The following NPTXR variants were observed in gnomAD, a reference collection of about 807,000 sequenced individuals.
NPTXR encodes the protein neuronal pentraxin receptor.
In NPTXR, 12 loss-of-function variants were observed where a neutral mutation model predicts 32.2. The ratio of observed to expected loss-of-function variants is 0.37; its 90% confidence interval spans 0.24 to 0.60. The LOEUF is 0.60. Among genes scored for constraint, NPTXR ranks in the 20% least tolerant of loss-of-function variants. The pLI, the probability that NPTXR is intolerant of heterozygous loss-of-function variation, is 0.66. For missense variants in NPTXR, 612 were observed against 682.9 expected (o/e 0.90, Z 1.16); for synonymous variants, 323 against 315.8 (o/e 1.02, Z -0.24).
intron 1 of NPTXR, among the ~76,000 whole-genome samples, chr22:38,842,775 C>T (rs1220558382): frequency 6.6e-6 from 1 of 152,148 alleles, no homozygotes; most frequent in Non-Finnish European, 1.5e-5. Flanking sequence ...GAGGGGAGGA[C>T]CCCAAGTCCT....
chr22:38,826,525 G>A lies in NPTXR; in HGVS notation c.1073C>T (p.Pro358Leu). 1 of 1,611,806 alleles carries A rather than the reference G, an allele frequency of 6.2e-7. No homozygotes were observed. Among genetic ancestry groups the A allele is most frequent in the Non-Finnish European group, 8.5e-7 (1 of 1,178,320 alleles). ...CTTGTCGTTGATCAGCAGCTCCATG[G>A]GCTCATGGCCCGCCTCTAGCAGTAC... is the stretch of plus-strand genomic sequence containing the variant. The change falls in exon 3 of 5, where the codon CCC (proline) becomes CTC (leucine). Residue 358 changes from proline (P) to leucine (L), a missense_variant. Physicochemically the swap from Pro to Leu is moderately conservative, Grantham distance 98. Coordinates refer to ENST00000333039, the MANE Select transcript of NPTXR (RefSeq NM_014293.4).
At position 38,822,162 on chromosome 22, in the gene NPTXR, C is replaced by G. The variant is rs531443104; in HGVS notation, c.*447G>C. On this transcript the variant is annotated 3_prime_UTR_variant, in exon 5 of 5. Transcript: ENST00000333039. ...TAACCTCTGATGTCCTCGTCATCCCCTTCTACAGCCTGTTGTGGCCCTGAA... is the reference window on the plus strand; with the variant it reads ...TAACCTCTGATGTCCTCGTCATCCCGTTCTACAGCCTGTTGTGGCCCTGAA... 9.4e-4 allele frequency: 181 copies of G among 192,252 alleles called. No homozygotes were observed. Among genetic ancestry groups the G allele is most frequent in the Middle Eastern group, 4.8e-3 (2 of 420 alleles). The allele number at this position is 192,252 out of a possible 1,614,324, so 11.9% of individuals were successfully genotyped here. A position where few individuals can be genotyped will look rare whatever the true frequency, so the allele number is the denominator to read the frequency against.
chr22:38,835,114 G>C (rs1048982399), intron 1 of NPTXR, among the ~76,000 whole-genome samples: 1 of 152,194 alleles, frequency 6.6e-6, no homozygotes, highest in African/African-American at 2.4e-5. Context: ...TGGTGCAGAG[G>C]GTGAGCTCAC....
chr22:38,833,381 G>A (rs141806617), intron 1 of NPTXR, among the ~76,000 whole-genome samples: 1 of 152,178 alleles, frequency 6.6e-6, no homozygotes, highest in Non-Finnish European at 1.5e-5. Flanking sequence ...AGCCTTCAGG[G>A]GGAGCAGTGT....
intron 1 of NPTXR, among the ~76,000 whole-genome samples, chr22:38,841,880 C>T (rs547523000): frequency 2.4e-4 from 36 of 152,340 alleles, no homozygotes; most frequent in Admixed American, 2.2e-3. Context: ...TCCTAGAAAT[C>T]CCCCAGAGCT....
intron 1 of NPTXR, among the ~76,000 whole-genome samples, chr22:38,841,619 G>C (rs757129361): frequency 3.3e-5 from 5 of 152,206 alleles, no homozygotes; most frequent in Non-Finnish European, 7.3e-5. Context: ...CCTATTTTGA[G>C]TTTTGGCTGT....
chr22:38,838,792 A>G (rs1003874116), intron 1 of NPTXR, among the ~76,000 whole-genome samples: 1 of 151,948 alleles, frequency 6.6e-6, no homozygotes, highest in Non-Finnish European at 1.5e-5. Flanking sequence ...CGTGTTAGCC[A>G]GGATGGTCTC....
At chr22:38,826,370 T>C in intron 3 of NPTXR, 130 bp downstream of exon 3, 5 of 1,132,086 alleles carry the variant, frequency 4.4e-6, no homozygotes, top group Non-Finnish European at 6.3e-6. Flanking sequence ...TAGCACACGG[T>C]AGGTACTTAA....
intron 1 of NPTXR, among the ~76,000 whole-genome samples, chr22:38,830,275 G>C (rs2093114100): frequency 6.6e-6 from 1 of 152,194 alleles, no homozygotes; most frequent in South Asian, 2.1e-4. Context: ...TCAGCCTCCA[G>C]GGCTGGCCAG....
Position 38,843,106 on chromosome 22 carries a change from C to A in NPTXR, c.624+129G>T, listed in dbSNP as rs1414446058. ...CCCTATCGAAATCCCCCCGCCTCGC[C>A]AGCGAGGAAGGCGCGATCGTCCCCG... On this transcript the variant is annotated intron_variant, in intron 1 of 4. Transcript: ENST00000333039. This position sits in a 1 kb window ranked among gnomAD's most constrained non-coding sequence, Gnocchi z 5.3. 2 of 971,794 alleles carry A rather than the reference C, an allele frequency of 2.1e-6. No homozygotes were observed. Among genetic ancestry groups the A allele is most frequent in the East Asian group, 3.5e-5 (1 of 28,276 alleles). 60.2% of individuals were successfully genotyped at this position (971,794 alleles called of 1,614,324 possible). A position where few individuals can be genotyped will look rare whatever the true frequency, so the allele number is the denominator to read the frequency against.
At chr22:38,829,423 G>A (rs569854810) in intron 1 of NPTXR, among the ~76,000 whole-genome samples, 1 of 152,318 alleles carries the variant, frequency 6.6e-6, no homozygotes, top group South Asian at 2.1e-4. Context: ...CTGGAAGAAG[G>A]CCCCTCTGGG....
intron 2 of NPTXR, among the ~76,000 whole-genome samples, chr22:38,827,260 CTT>C (rs66921740): frequency 4.4e-4 from 43 of 97,578 alleles, no homozygotes; most frequent in East Asian, 1.5e-3. Context: ...TTTTTTCTTT[CTT>C]TTTTTTTTTT....
chr22:38,833,652 A>T (rs2093119677), intron 1 of NPTXR, among the ~76,000 whole-genome samples: 4 of 137,378 alleles, frequency 2.9e-5, no homozygotes, highest in Admixed American at 7.1e-5. Context: ...GTCGTGACTA[A>T]CAATTTTTTT....
chr22:38,829,687 C>A (rs1459597705), intron 1 of NPTXR, among the ~76,000 whole-genome samples: 1 of 143,266 alleles, frequency 7.0e-6, no homozygotes, highest in Admixed American at 6.8e-5. Flanking sequence ...CAGGCTTAGG[C>A]CCCAGACACG....
intron 3 of NPTXR, among the ~76,000 whole-genome samples, chr22:38,824,239 C>A (rs992271721): frequency 1.3e-5 from 2 of 151,672 alleles, no homozygotes; most frequent in Non-Finnish European, 2.9e-5. Flanking sequence ...ATGATCCACC[C>A]ACCTCAGCCT....
At chr22:38,835,383 C>G (rs1419168221) in intron 1 of NPTXR, among the ~76,000 whole-genome samples, 1 of 152,198 alleles carries the variant, frequency 6.6e-6, no homozygotes, top group African/African-American at 2.4e-5. Context: ...CTCCTCCTAC[C>G]CAGGTGGGGA....
chr22:38,840,371 GC>G (rs1279546710), intron 1 of NPTXR, among the ~76,000 whole-genome samples: 2 of 152,120 alleles, frequency 1.3e-5, no homozygotes, highest in African/African-American at 2.4e-5. Flanking sequence ...AGGAGCGGGG[GC>G]CAGATCCAAA....
chr22:38,828,642 T>G, intron 1 of NPTXR, 130 bp from the exon 2 acceptor site: 3 of 685,080 alleles, frequency 4.4e-6, no homozygotes, highest in African/African-American at 3.6e-5. Context: ...AAAATGGGAA[T>G]GACAATGGCC....
In NPTXR at chr22:38,819,118, G is replaced by C. The variant is rs2093092517; in HGVS notation, c.*3491C>G. The stretch of plus-strand genomic sequence containing the variant: ...TTGGTCCCCTTGGGATGTTGGTGGG[G>C]GCACCACATGCCACAAGATGGGAAG... On this transcript the variant is annotated 3_prime_UTR_variant, in exon 5 of 5. Coordinates refer to ENST00000333039, the MANE Select transcript of NPTXR (RefSeq NM_014293.4). 6.6e-6 allele frequency: 1 copy of C among 152,312 alleles called. No individual in the cohort carries two copies. Among genetic ancestry groups the C allele is most frequent in the African/African-American group, 2.4e-5 (1 of 41,452 alleles). The allele number at this position is 152,312 out of a possible 1,614,324, so 9.4% of individuals were successfully genotyped here. A position where few individuals can be genotyped will look rare whatever the true frequency, so the allele number is the denominator to read the frequency against.
Sources: allele counts gnomAD v4.1 joint callset (sites outside exome capture counted in the v4.1 genomes callset), GRCh38; gene constraint gnomAD v4.1.1; non-coding constraint Gnocchi (gnomAD v3.1); transcripts MANE v1.5; gene names NCBI Gene and HGNC (gene_info 2026-07-23, HGNC 2026-07-21).